MYRIP: variants seen among roughly 807,000 people sequenced by gnomAD.
MYRIP encodes myosin VIIA and Rab interacting protein.
A neutral mutation model predicts 98.0 loss-of-function variants in MYRIP; 49 were observed. The ratio of observed to expected loss-of-function variants is 0.50; its 90% confidence interval spans 0.40 to 0.63. The LOEUF (loss-of-function observed/expected upper bound fraction) is 0.63. Among genes scored for constraint, MYRIP ranks in the 30% least tolerant of loss-of-function variants. MYRIP has a pLI of 0.00. For synonymous variants in MYRIP, 404 were observed against 409.5 expected (o/e 0.99, Z 0.16); for missense variants, 1,004 against 1,058.2 (o/e 0.95, Z 0.71).
chr3:40,181,951 G>C (rs1433460233), intron 8 of MYRIP, among the ~76,000 whole-genome samples: 1 of 152,136 alleles, frequency 6.6e-6, no homozygotes, highest in African/African-American at 2.4e-5. Flanking sequence ...CCGCAAGAGT[G>C]GTGGATAAGA....
At chr3:39,871,532 C>A (rs1251070678) in intron 1 of MYRIP, among the ~76,000 whole-genome samples, 3 of 152,142 alleles carry the variant, frequency 2.0e-5, no homozygotes, top group African/African-American at 7.2e-5. Context: ...TTTACTTGCC[C>A]AGTGACAGTG....
intron 4 of MYRIP, among the ~76,000 whole-genome samples, chr3:40,161,992 C>T (rs751189603): frequency 6.6e-5 from 10 of 152,124 alleles, no homozygotes; most frequent in African/African-American, 1.4e-4. Flanking sequence ...AGCCCTGCCA[C>T]GCTGCCTCTC....
intron 2 of MYRIP, among the ~76,000 whole-genome samples, chr3:39,948,178 T>C (rs1944940401): frequency 6.6e-6 from 1 of 152,134 alleles, no homozygotes; most frequent in African/African-American, 2.4e-5. Context: ...CAGAACAACC[T>C]AAAAATGTGT....
intron 1 of MYRIP, among the ~76,000 whole-genome samples, chr3:39,874,711 A>C (rs1942923065): frequency 6.6e-6 from 1 of 152,166 alleles, no homozygotes; most frequent in African/African-American, 2.4e-5. Flanking sequence ...ATGGTGGATA[A>C]GCTTTTTGAT....
At position 39,927,438 on chromosome 3, in the gene MYRIP, T is replaced by A. The variant is rs1944442168; in HGVS notation, c.110+26512T>A. Among the ~76,000 whole-genome samples, 3 of 152,024 alleles carry A rather than the reference T, an allele frequency of 2.0e-5. No individual in the cohort carries two copies. The South Asian group carries it at 6.2e-4, about 32-fold the overall frequency. ...GGGGAATGCGTCCAGCTTTTTTCTCTTCAGTTGATGTTGGACAAATTCCTG... is the reference window on the plus strand; with the variant it reads ...GGGGAATGCGTCCAGCTTTTTTCTCATCAGTTGATGTTGGACAAATTCCTG... On this transcript the variant is annotated intron_variant, in intron 2 of 16. Transcript: ENST00000302541.
intron 1 of MYRIP, among the ~76,000 whole-genome samples, chr3:39,864,196 C>T (rs1320359234): frequency 6.6e-6 from 1 of 152,134 alleles, no homozygotes; most frequent in Non-Finnish European, 1.5e-5. Flanking sequence ...CAATATCATA[C>T]TTAATGGGCA....
intron 10 of MYRIP, among the ~76,000 whole-genome samples, 166 bp downstream of exon 10, chr3:40,190,629 T>C (rs1227626815): frequency 1.3e-5 from 2 of 152,136 alleles, no homozygotes; most frequent in African/African-American, 2.4e-5. Flanking sequence ...TCACATCAAC[T>C]CTTTGGGACT....
At chr3:39,822,191 A>G (rs1941121405) in intron 1 of MYRIP, among the ~76,000 whole-genome samples, 1 of 152,340 alleles carries the variant, frequency 6.6e-6, no homozygotes, top group South Asian at 2.1e-4. Context: ...AAGTTGACAT[A>G]TAATAATTAT....
At chr3:40,113,175 A>T (rs57599028) in intron 3 of MYRIP, among the ~76,000 whole-genome samples, 3,581 of 152,254 alleles carry the variant, frequency 0.024, 94 homozygotes, top group African/African-American at 0.06. Context: ...ATGGAGTTTC[A>T]CTCAGTTGCC....
At chr3:39,954,634 C>T (rs535158082) in intron 2 of MYRIP, among the ~76,000 whole-genome samples, 1 of 152,216 alleles carries the variant, frequency 6.6e-6, no homozygotes, top group East Asian at 1.9e-4. Context: ...GAATGCAGCC[C>T]CTTGCCAGCA....
At chr3:40,209,700 A>G (rs1951870208) in intron 10 of MYRIP, among the ~76,000 whole-genome samples, 154 bp from the exon 11 acceptor site, 1 of 152,204 alleles carries the variant, frequency 6.6e-6, no homozygotes, top group East Asian at 1.9e-4. Flanking sequence ...GTAAAACTAA[A>G]AGTCCATCTG....
intron 11 of MYRIP, among the ~76,000 whole-genome samples, chr3:40,219,686 A>C (rs1001960157): frequency 3.3e-5 from 5 of 152,166 alleles, no homozygotes; most frequent in African/African-American, 1.2e-4. Context: ...ATGGCTGCAT[A>C]GTATTCCATG....
chr3:40,050,090 G>C (rs574110463), intron 3 of MYRIP, among the ~76,000 whole-genome samples: 31 of 152,270 alleles, frequency 2.0e-4, no homozygotes, highest in African/African-American at 7.2e-4. Flanking sequence ...TGATGGAGGA[G>C]CTGCAGGTTA....
At chr3:39,992,291 T>A (rs1261364029) in intron 2 of MYRIP, among the ~76,000 whole-genome samples, 4 of 152,172 alleles carry the variant, frequency 2.6e-5, no homozygotes, top group Non-Finnish European at 5.9e-5. Flanking sequence ...TTAGCTTCTA[T>A]TCTTCTGACT....
intron 1 of MYRIP, among the ~76,000 whole-genome samples, chr3:39,840,302 T>C (rs1326631865): frequency 6.6e-6 from 1 of 152,222 alleles, no homozygotes; most frequent in Non-Finnish European, 1.5e-5. Context: ...CCCCTGCCTT[T>C]TTTTTGCTTT....
At chr3:39,890,033 T>C (rs897779412) in intron 1 of MYRIP, among the ~76,000 whole-genome samples, 1 of 152,152 alleles carries the variant, frequency 6.6e-6, no homozygotes, top group Non-Finnish European at 1.5e-5. Flanking sequence ...TCTTCTCTAC[T>C]CCTCCCAGAT....
chr3:40,104,868 A>G (rs1251291607), intron 3 of MYRIP, among the ~76,000 whole-genome samples: 2 of 152,216 alleles, frequency 1.3e-5, no homozygotes, highest in African/African-American at 4.8e-5. Flanking sequence ...TTTACTAAAG[A>G]TATATTTGCA....
At chr3:39,921,881 C>CAAAAAA (rs34179419) in intron 2 of MYRIP, among the ~76,000 whole-genome samples, 16 of 75,882 alleles carry the variant, frequency 2.1e-4, no homozygotes, top group African/African-American at 6.9e-4. Context: ...GACTCCGTCT[C>CAAAAAA]AAAAAAAAAA....
intron 8 of MYRIP, among the ~76,000 whole-genome samples, chr3:40,176,392 G>C (rs1483870050): frequency 6.6e-6 from 1 of 152,172 alleles, no homozygotes; most frequent in East Asian, 1.9e-4. Flanking sequence ...CCATCAAGTT[G>C]TATTTGCACA....
Sources: allele counts gnomAD v4.1 joint callset (sites outside exome capture counted in the v4.1 genomes callset), GRCh38; gene constraint gnomAD v4.1.1; transcripts MANE v1.5; gene names NCBI Gene and HGNC (gene_info 2026-07-23, HGNC 2026-07-21).